PCCA: variants seen among roughly 807,000 people sequenced by gnomAD.
PCCA encodes propionyl-CoA carboxylase alpha chain, mitochondrial.
PCCA carries 74 observed loss-of-function variants against 101.3 expected under a neutral mutation model. The ratio of observed to expected loss-of-function variants is 0.73; its 90% CI spans 0.61 to 0.89. The LOEUF (loss-of-function observed/expected upper bound fraction) is 0.89, where lower values mean the gene tolerates loss of function less well. Ranked by LOEUF, PCCA falls within the 40% of genes least tolerant of loss-of-function variation. The pLI, the probability that PCCA is intolerant of heterozygous loss-of-function variation, is 0.00. For synonymous variants in PCCA, 294 were observed against 313.6 expected, an observed-to-expected ratio of 0.94 and a Z score of 0.66; for missense variants, 891 against 907.0, an observed-to-expected ratio of 0.98 and a Z score of 0.23.
In PCCA at chr13:100,530,250, C is replaced by A; in HGVS notation, c.*84C>A. On this transcript the variant is annotated 3_prime_UTR_variant, in exon 24 of 24. Transcript: ENST00000376285. ...ACACACAATTGATTCAAGCATTATA[C>A]AGGAACACCCCTGTGCAGCTACGTT... 9.4e-7 allele frequency: 1 copy of A among 1,067,092 alleles called. No individual in the cohort carries two copies. Among genetic ancestry groups the A allele is most frequent in the Non-Finnish European group, 1.5e-6 (1 of 687,946 alleles). 66.1% of individuals were successfully genotyped at this position (1,067,092 alleles called of 1,614,324 possible). A position where few individuals can be genotyped will look rare whatever the true frequency, so the allele number is the denominator to read the frequency against.
intron 21 of PCCA, among the ~76,000 whole-genome samples, chr13:100,500,413 A>G (rs143884852): frequency 3.9e-5 from 6 of 152,328 alleles, no homozygotes; most frequent in African/African-American, 1.4e-4. Context: ...TTCATGTAAT[A>G]ATAACATGTG....
chr13:100,443,618 C>A (rs1212489006), intron 20 of PCCA, among the ~76,000 whole-genome samples: 2 of 150,908 alleles, frequency 1.3e-5, no homozygotes. Context: ...AATGCACAGA[C>A]TTTCTTGCCA....
At chr13:100,188,742 A>G (rs1594627549) in intron 6 of PCCA, among the ~76,000 whole-genome samples, 1 of 152,232 alleles carries the variant, frequency 6.6e-6, no homozygotes, top group East Asian at 1.9e-4. Flanking sequence ...TTTTTTGATT[A>G]TGGCCATTCT....
intron 21 of PCCA, among the ~76,000 whole-genome samples, chr13:100,474,468 CTGTCTCTG>C (rs755249229): frequency 1.5e-5 from 2 of 131,012 alleles, no homozygotes; most frequent in African/African-American, 2.7e-5. Context: ...CTCTCTCTCT[CTGTCTCTG>C]TCTCTGTCTC....
intron 8 of PCCA, among the ~76,000 whole-genome samples, chr13:100,243,138 C>T (rs1224131702): frequency 2.6e-5 from 4 of 152,178 alleles, no homozygotes; most frequent in African/African-American, 9.7e-5. Flanking sequence ...TCAAGTGCTC[C>T]CCCTGCCTTG....
chr13:100,322,008 A>T (rs2068102542), intron 16 of PCCA, among the ~76,000 whole-genome samples: 3 of 152,214 alleles, frequency 2.0e-5, no homozygotes, highest in Admixed American at 2.0e-4. Flanking sequence ...GCTCAAACAC[A>T]TGCACTAGGG....
chr13:100,361,625 A>G (rs1034789689), intron 18 of PCCA, among the ~76,000 whole-genome samples: 1 of 152,136 alleles, frequency 6.6e-6, no homozygotes, highest in African/African-American at 2.4e-5. Flanking sequence ...AAAAACTTGA[A>G]TATAAATGGC....
chr13:100,133,644 T>TTCTCTA (rs2050797002), intron 4 of PCCA, among the ~76,000 whole-genome samples: 1 of 152,208 alleles, frequency 6.6e-6, no homozygotes, highest in Non-Finnish European at 1.5e-5. Flanking sequence ...AAAATAGTAT[T>TTCTCTA]TCTCTATTGT....
At chr13:100,093,434 A>G (rs544072417) in intron 1 of PCCA, among the ~76,000 whole-genome samples, 1 of 152,334 alleles carries the variant, frequency 6.6e-6, no homozygotes, top group South Asian at 2.1e-4. Flanking sequence ...TACCAAACCT[A>G]GGAAAGAAAT....
At chr13:100,201,742 A>G (rs1594700694) in intron 6 of PCCA, among the ~76,000 whole-genome samples, 1 of 151,754 alleles carries the variant, frequency 6.6e-6, no homozygotes, top group African/African-American at 2.4e-5. Context: ...CTGTAATCCC[A>G]GCTACTTGGG....
intron 4 of PCCA, among the ~76,000 whole-genome samples, chr13:100,122,334 G>T (rs1373791174): frequency 6.6e-6 from 1 of 152,038 alleles, no homozygotes; most frequent in Non-Finnish European, 1.5e-5. Context: ...CTTGGTTTTG[G>T]TGTTAGTGTG....
At chr13:100,243,739 T>C (rs997448176) in intron 8 of PCCA, among the ~76,000 whole-genome samples, 6 of 152,232 alleles carry the variant, frequency 3.9e-5, no homozygotes, top group Non-Finnish European at 5.9e-5. Context: ...ATTTGACTTA[T>C]TTTACTATTA....
intron 22 of PCCA, among the ~76,000 whole-genome samples, chr13:100,522,254 T>C (rs983654105): frequency 6.6e-6 from 1 of 152,250 alleles, no homozygotes; most frequent in African/African-American, 2.4e-5. Flanking sequence ...TAATCTGGCG[T>C]ACATTGTGTG....
chr13:100,426,905 T>C (rs868089398), intron 20 of PCCA, among the ~76,000 whole-genome samples: 4 of 152,316 alleles, frequency 2.6e-5, no homozygotes, highest in South Asian at 2.1e-4. Flanking sequence ...CTTAGATCCA[T>C]GTATTATTAT....
intron 12 of PCCA, among the ~76,000 whole-genome samples, chr13:100,277,793 GA>G (rs1356801042): frequency 6.6e-6 from 1 of 152,176 alleles, no homozygotes; most frequent in East Asian, 1.9e-4. Context: ...AGTTTGGAGG[GA>G]AAGTTCAGTG....
At chr13:100,487,670 C>G (rs1566436784) in intron 21 of PCCA, among the ~76,000 whole-genome samples, 1 of 152,110 alleles carries the variant, frequency 6.6e-6, no homozygotes, top group Non-Finnish European at 1.5e-5. Flanking sequence ...TACTAAGTAG[C>G]CTTTCCCAGA....
intron 19 of PCCA, among the ~76,000 whole-genome samples, chr13:100,399,125 T>A (rs2077198337): frequency 6.6e-6 from 1 of 152,086 alleles, no homozygotes; most frequent in African/African-American, 2.4e-5. Flanking sequence ...TTGTAGAGTA[T>A]AAAAGAGAAA....
intron 6 of PCCA, among the ~76,000 whole-genome samples, chr13:100,181,612 G>A (rs1053308294): frequency 3.3e-5 from 5 of 151,820 alleles, no homozygotes; most frequent in Non-Finnish European, 7.4e-5. Flanking sequence ...TTGTAGAGAT[G>A]TGGTCTCGCC....
chr13:100,213,351 C>T (rs773690729), intron 7 of PCCA, among the ~76,000 whole-genome samples: 1 of 152,122 alleles, frequency 6.6e-6, no homozygotes, highest in Non-Finnish European at 1.5e-5. Flanking sequence ...TTGCATTCCC[C>T]CCAACACTAT....
Sources: gnomAD v4.1 joint callset for allele counts (sites outside exome capture counted in the v4.1 genomes callset) on GRCh38, gnomAD v4.1.1 for gene constraint, MANE v1.5 for transcripts, NCBI Gene and HGNC (gene_info 2026-07-23, HGNC 2026-07-21) for gene names.